CDH13: variants seen among roughly 807,000 people sequenced by gnomAD.
The protein encoded by CDH13 is cadherin-13.
A neutral mutation model predicts 63.8 loss-of-function variants in CDH13; 24 were observed. The ratio of observed to expected loss-of-function variants is 0.38; its 90% confidence interval spans 0.27 to 0.53. The LOEUF (loss-of-function observed/expected upper bound fraction) is 0.53, where lower values mean the gene tolerates loss of function less well. CDH13 is among the 20% of genes least tolerant of loss of function. The pLI, the probability that CDH13 is intolerant of heterozygous loss-of-function variation, is 0.85. For synonymous variants in CDH13, 503 were observed against 355.3 expected (o/e 1.42, Z -4.67); for missense variants, 1,049 against 903.1 (o/e 1.16, Z -2.07).
chr16:83,190,488 G>A (rs1198477718), intron 4 of CDH13, among the ~76,000 whole-genome samples: 2 of 152,148 alleles, frequency 1.3e-5, no homozygotes, highest in African/African-American at 4.8e-5. Context: ...ATTTTCAGTT[G>A]CCACCATGTC....
intron 6 of CDH13, chr16:83,396,660 C>T (rs982900265): frequency 2.0e-5 from 3 of 151,940 alleles, no homozygotes; most frequent in Non-Finnish European, 4.4e-5. Context: ...AGGTGACGTT[C>T]GTGAGGTGCA....
chr16:83,646,250 G>A (rs1018156721), intron 8 of CDH13, among the ~76,000 whole-genome samples: 4 of 152,194 alleles, frequency 2.6e-5, no homozygotes, highest in Non-Finnish European at 5.9e-5. Flanking sequence ...TTCCTCACCT[G>A]TAATTTGGAG....
chr16:83,523,370 G>A (rs533214181), intron 7 of CDH13, among the ~76,000 whole-genome samples: 1 of 152,198 alleles, frequency 6.6e-6, no homozygotes, highest in Non-Finnish European at 1.5e-5. Flanking sequence ...TCCTATTCAT[G>A]ATGACCTAGC....
At chr16:82,878,592 T>G (rs2040584840) in intron 2 of CDH13, among the ~76,000 whole-genome samples, 1 of 151,158 alleles carries the variant, frequency 6.6e-6, no homozygotes, top group African/African-American at 2.4e-5. Flanking sequence ...GCGTTGGGGC[T>G]TCTGGTAGCT....
At chr16:83,043,254 G>C (rs1349591914) in intron 3 of CDH13, among the ~76,000 whole-genome samples, 1 of 152,038 alleles carries the variant, frequency 6.6e-6, no homozygotes, top group Non-Finnish European at 1.5e-5. Flanking sequence ...CTATATTCTG[G>C]AGATTAATTT....
At chr16:82,905,822 G>A (rs1039857879) in intron 2 of CDH13, among the ~76,000 whole-genome samples, 4 of 152,034 alleles carry the variant, frequency 2.6e-5, no homozygotes, top group African/African-American at 9.7e-5. Flanking sequence ...GGCATGTCTC[G>A]ATTAGGACGA....
intron 7 of CDH13, among the ~76,000 whole-genome samples, chr16:83,543,165 C>T (rs2075324558): frequency 6.6e-6 from 1 of 152,246 alleles, no homozygotes; most frequent in Non-Finnish European, 1.5e-5. Context: ...TCTTTCCACA[C>T]AGCAATTTGG....
intron 1 of CDH13, among the ~76,000 whole-genome samples, chr16:82,772,272 A>G (rs1208692296): frequency 6.6e-6 from 1 of 152,128 alleles, no homozygotes; most frequent in Non-Finnish European, 1.5e-5. Flanking sequence ...ATTTACTGGC[A>G]TACTACCGGA....
chr16:82,706,947 T>C (rs564548989), intron 1 of CDH13, among the ~76,000 whole-genome samples: 1 of 152,336 alleles, frequency 6.6e-6, no homozygotes, highest in Non-Finnish European at 1.5e-5. Flanking sequence ...TCTAGAGTTA[T>C]AAAATTATTC....
chr16:82,661,415 G>T (rs760027750), intron 1 of CDH13, among the ~76,000 whole-genome samples: 3 of 152,188 alleles, frequency 2.0e-5, no homozygotes, highest in Admixed American at 1.3e-4. Context: ...GCTTTAGTAC[G>T]CACGATATTA....
At chr16:83,441,791 T>C (rs2072487678) in intron 6 of CDH13, among the ~76,000 whole-genome samples, 1 of 152,126 alleles carries the variant, frequency 6.6e-6, no homozygotes, top group Non-Finnish European at 1.5e-5. Context: ...TGATGATGAT[T>C]CAGCTCTGGA....
intron 6 of CDH13, among the ~76,000 whole-genome samples, chr16:83,443,114 C>T (rs11149569): frequency 0.54 from 82,657 of 152,138 alleles, 22,716 homozygotes; most frequent in East Asian, 0.63. Context: ...ACTGAAAAAT[C>T]GCTCAGAAAA....
chr16:83,196,973 C>T (rs532080521), intron 4 of CDH13, among the ~76,000 whole-genome samples: 2 of 152,278 alleles, frequency 1.3e-5, no homozygotes, highest in South Asian at 2.1e-4. Context: ...TATGTTCACA[C>T]AAAACCTGTA....
intron 3 of CDH13, among the ~76,000 whole-genome samples, chr16:83,115,494 G>A (rs963451083): frequency 1.3e-5 from 2 of 152,158 alleles, no homozygotes; most frequent in Non-Finnish European, 2.9e-5. Context: ...CTCTCCAAAG[G>A]AATAACCCTC....
At chr16:83,183,161 A>C (rs1399925907) in intron 4 of CDH13, among the ~76,000 whole-genome samples, 1 of 152,204 alleles carries the variant, frequency 6.6e-6, no homozygotes, top group Non-Finnish European at 1.5e-5. Flanking sequence ...TTTCAACCTG[A>C]TAAAAGGAAA....
At chr16:83,448,904 C>T (rs917078476) in intron 6 of CDH13, among the ~76,000 whole-genome samples, 6 of 152,124 alleles carry the variant, frequency 3.9e-5, no homozygotes, top group Non-Finnish European at 7.4e-5. Flanking sequence ...TGATGACTTT[C>T]GAAAGAGCAG....
At chr16:83,309,997 A>G (rs1237313529) in intron 5 of CDH13, among the ~76,000 whole-genome samples, 1 of 152,212 alleles carries the variant, frequency 6.6e-6, no homozygotes, top group Non-Finnish European at 1.5e-5. Context: ...AGTGGGTACA[A>G]AAGTTCCGCA....
chr16:82,738,049 G>A (rs2033764347), intron 1 of CDH13, among the ~76,000 whole-genome samples: 1 of 152,172 alleles, frequency 6.6e-6, no homozygotes, highest in Admixed American at 6.5e-5. Context: ...TACAGGCGCT[G>A]TGTTGTACAG....
rs1468050955 is a variant in CDH13, at chr16:82,948,527, G to A, written c.158-83483G>A. ...TTAGAACAAACACATCATTATTTGG[G>A]AACAATCAAAAGATCAAAGGCATAA... On this transcript the variant is annotated intron_variant, in intron 2 of 13. Coordinates refer to ENST00000567109, the MANE Select transcript of CDH13 (RefSeq NM_001257.5). 3.3e-5 allele frequency among the ~76,000 whole-genome samples: 5 copies of A among 152,114 alleles called. 1 individual carries two copies. The highest frequency in any genetic ancestry group is 7.2e-5 in the African/African-American group (3 of 41,416).
Sources: gnomAD v4.1 joint callset for allele counts (sites outside exome capture counted in the v4.1 genomes callset) on GRCh38, gnomAD v4.1.1 for gene constraint, MANE v1.5 for transcripts, NCBI Gene and HGNC (gene_info 2026-07-23, HGNC 2026-07-21) for gene names.